HOXC5: variants seen among roughly 807,000 people sequenced by gnomAD.
The protein encoded by HOXC5 is homeobox protein Hox-C5.
Under a neutral mutation model 20.1 loss-of-function variants are expected in HOXC5, and 19 were observed. The ratio of observed to expected loss-of-function variants is 0.94; its 90% CI spans 0.66 to 1.38. HOXC5 has a LOEUF of 1.38. Ranked by LOEUF, HOXC5 falls within the 40% of genes most tolerant of loss-of-function variation. The pLI, the probability that HOXC5 is intolerant of heterozygous loss-of-function variation, is 0.00. For missense variants in HOXC5, 330 were observed against 300.1 expected, an observed-to-expected ratio of 1.10 and a Z score of -0.74; for synonymous variants, 124 against 117.0, an observed-to-expected ratio of 1.06 and a Z score of -0.39.
the HOXC5 span, among the ~76,000 whole-genome samples, chr12:54,024,503 G>T: frequency 2.8e-4 from 42 of 152,278 alleles, no homozygotes; most frequent in African/African-American, 9.6e-4. Context: ...AACTAAGGAG[G>T]ACCTCTGGAA....
chr12:54,034,585 G>T lies in HOXC5; in HGVS notation c.*93G>T, dbSNP rs1277316557. The stretch of plus-strand genomic sequence containing the variant: ...CTTTCCTCTCTATATTTCGGGTCGG[G>T]GGCAGGTGCTGGAGCACTGGGCTCC... On this transcript the variant is annotated 3_prime_UTR_variant, in exon 2 of 2. Coordinates refer to ENST00000312492, the MANE Select transcript of HOXC5 (RefSeq NM_018953.4). 5 of 1,104,668 alleles carry T rather than the reference G, an allele frequency of 4.5e-6. No individual in the cohort carries two copies. The highest frequency in any genetic ancestry group is 6.6e-6 in the Non-Finnish European group (5 of 760,190). 68.4% of individuals were successfully genotyped at this position (1,104,668 alleles called of 1,614,324 possible).
chr12:54,019,305 C>G, the HOXC5 span, among the ~76,000 whole-genome samples: 3 of 152,112 alleles, frequency 2.0e-5, no homozygotes, highest in Non-Finnish European at 4.4e-5. Flanking sequence ...GCCGCCTGCT[C>G]AGGCTGCCGC....
chr12:54,029,936 A>T (rs1389648348), upstream of HOXC5: 11 of 1,594,262 alleles, frequency 6.9e-6, no homozygotes, highest in African/African-American at 1.4e-5. Context: ...GCGGGAAGAG[A>T]CAGAAGAGGA....
upstream of HOXC5, chr12:54,030,578 G>A (rs1940948313): frequency 1.3e-5 from 2 of 152,636 alleles, no homozygotes; most frequent in South Asian, 4.1e-4. Context: ...AAGATTTTTA[G>A]CTGTATTTGT....
At chr12:54,017,189 C>G in the HOXC5 span, 1 of 152,228 alleles carries the variant, frequency 6.6e-6, no homozygotes, top group Admixed American at 6.5e-5. Context: ...CTCCGCCCCT[C>G]CTCTCTCCCA....
Position 54,034,818 on chromosome 12 carries a change from G to C in HOXC5, c.*326G>C, listed in dbSNP as rs1941139675. The C allele has an allele frequency of 3.0e-6, 1 of 328,524 alleles. No homozygotes were observed. The highest frequency in any genetic ancestry group is 6.9e-5 in the East Asian group (1 of 14,458). The allele number at this position is 328,524 out of a possible 1,614,324, so 20.4% of individuals were successfully genotyped here. ...AACCTTGGCCTGGGCCGTATCTCCG[G>C]CTCCCAGCCTCAGCGCGGCCCTCCC... On this transcript the variant is annotated 3_prime_UTR_variant, in exon 2 of 2. Transcript: ENST00000312492.
the HOXC5 span, chr12:54,020,783 T>C: frequency 6.6e-6 from 1 of 152,162 alleles, no homozygotes. Context: ...AATCGGAGTA[T>C]GCGGGTTCCA....
At chr12:54,029,703 G>A (rs113381644), upstream of HOXC5, 3 of 1,614,082 alleles carry the variant, frequency 1.9e-6, no homozygotes, top group Non-Finnish European at 2.5e-6. Context: ...ATCTACTCGC[G>A]GTACCAGACC....
intron 1 of HOXC5, 38 bp downstream of exon 1, chr12:54,033,614 C>T (rs1281190976): frequency 2.0e-6 from 3 of 1,484,198 alleles, no homozygotes; most frequent in African/African-American, 1.4e-5. Context: ...CTCGGGTCCG[C>T]CTGGGTTTTA....
upstream of HOXC5, among the ~76,000 whole-genome samples, chr12:54,029,179 G>C (rs1040935142): frequency 1.1e-4 from 17 of 152,210 alleles, no homozygotes; most frequent in African/African-American, 4.1e-4. Flanking sequence ...CAGGGGATGA[G>C]GGGAGGGAGC....
Position 54,034,290 on chromosome 12 carries a change from A to G in HOXC5, c.467A>G (p.Lys156Arg), listed in dbSNP as rs747194131. Residue 156 changes from lysine to arginine, a missense_variant, in exon 2 of 2, where the codon AAG becomes AGG. Transcript: ENST00000312492. ...KLHMSHETDG[K>R]RSRTSYTRYQ... is the part of the protein sequence containing the mutation. The stretch of plus-strand genomic sequence containing the variant: ...GTTTATGTTCCAGAGACGGACGGCA[A>G]GCGGTCCCGAACCAGTTACACGCGC... 2 of 1,613,730 alleles carry G rather than the reference A, an allele frequency of 1.2e-6. No individual in the cohort carries two copies. Among genetic ancestry groups the G allele is most frequent in the East Asian group, 2.2e-5 (1 of 44,872 alleles).
At chr12:54,030,960 C>G (rs961165736), upstream of HOXC5, 2 of 152,318 alleles carry the variant, frequency 1.3e-5, no homozygotes, top group Non-Finnish European at 2.9e-5. Context: ...CCCAGGCGCC[C>G]GGCCCCGGCC....
upstream of HOXC5, among the ~76,000 whole-genome samples, chr12:54,029,157 G>A (rs1279675494): frequency 6.6e-6 from 1 of 152,188 alleles, no homozygotes; most frequent in Non-Finnish European, 1.5e-5. Context: ...GGCTGAGGGG[G>A]CAGGAACAGG....
the HOXC5 span, among the ~76,000 whole-genome samples, chr12:54,017,929 G>C: frequency 3.7e-3 from 567 of 152,190 alleles, 2 homozygotes; most frequent in African/African-American, 0.013. Context: ...CAGAGAGCGC[G>C]ACTGCTAGAG....
rs1167297111 is a variant in HOXC5, at chr12:54,033,073, A to G, written c.-50A>G. ...ACCCCTCAACTTCAAAGAGTCACAA[A>G]TCACCCTTAATCAAAAAGGGTGCAG... On this transcript the variant is annotated 5_prime_UTR_variant, in exon 1 of 2. Coordinates refer to ENST00000312492, the MANE Select transcript of HOXC5 (RefSeq NM_018953.4). 6.8e-7 allele frequency: 1 copy of G among 1,471,652 alleles called. No individual in the cohort carries two copies. Among genetic ancestry groups the G allele is most frequent in the East Asian group, 2.3e-5 (1 of 43,708 alleles). 91.2% of individuals were successfully genotyped at this position (1,471,652 alleles called of 1,614,324 possible). A position where few individuals can be genotyped will look rare whatever the true frequency, so the allele number is the denominator to read the frequency against.
upstream of HOXC5, chr12:54,029,985 T>C (rs749261491): frequency 1.3e-5 from 19 of 1,494,406 alleles, no homozygotes; most frequent in African/African-American, 2.7e-4. Flanking sequence ...CTGCCACCCC[T>C]CTCTCCCTTT....
rs149895718 is a variant in HOXC5 at position 54,034,859 on chromosome 12, C to G, written c.*367C>G. On this transcript the variant is annotated 3_prime_UTR_variant, in exon 2 of 2. Coordinates refer to ENST00000312492, the MANE Select transcript of HOXC5 (RefSeq NM_018953.4). ...CGGCCCTCCCGAGTTAAGGTGGGCC[C>G]GGCCCGCGCCACAGGACCCTCGCCG... The G allele has an allele frequency of 3.4e-6, 1 of 290,236 alleles. No individual in the cohort carries two copies. Among genetic ancestry groups the G allele is most frequent in the Non-Finnish European group, 6.7e-6 (1 of 150,036 alleles). The allele number at this position is 290,236 out of a possible 1,614,324, so 18.0% of individuals were successfully genotyped here. A position where few individuals can be genotyped will look rare whatever the true frequency, so the allele number is the denominator to read the frequency against.
chr12:54,028,780 T>G, upstream of HOXC5: 3 of 1,614,168 alleles, frequency 1.9e-6, no homozygotes, highest in Non-Finnish European at 2.5e-6. Flanking sequence ...GCTCTCAAAC[T>G]GCAGACAAAA....
chr12:54,034,916 C>T lies in HOXC5; in HGVS notation c.*424C>T, dbSNP rs61921796. On this transcript the variant is annotated 3_prime_UTR_variant, in exon 2 of 2. Coordinates refer to ENST00000312492, the MANE Select transcript of HOXC5 (RefSeq NM_018953.4). ...CTAACCTCGCCCTCTCCTTTGTTCCCGGCTGGACGGGTTAGACAGCCAAAG... is the reference window on the plus strand; with the variant it reads ...CTAACCTCGCCCTCTCCTTTGTTCCTGGCTGGACGGGTTAGACAGCCAAAG... 11,951 of 216,430 alleles carry T rather than the reference C, an allele frequency of 0.055. 486 individuals carry two copies. The highest frequency in any genetic ancestry group is 0.078 in the Non-Finnish European group (8,338 of 106,726). The allele number at this position is 216,430 out of a possible 1,614,324, so 13.4% of individuals were successfully genotyped here. A position where few individuals can be genotyped will look rare whatever the true frequency, so the allele number is the denominator to read the frequency against.
Sources: allele counts gnomAD v4.1 joint callset (sites outside exome capture counted in the v4.1 genomes callset), GRCh38; gene constraint gnomAD v4.1.1; transcripts MANE v1.5; gene names NCBI Gene and HGNC (gene_info 2026-07-23, HGNC 2026-07-21).